SAMMSON: variants seen among roughly 807,000 people sequenced by gnomAD.
SAMMSON encodes the protein long intergenic non-protein coding RNA 1212.
At chr3:70,080,636 T>C (rs530820232) in intron 4 of SAMMSON, among the ~76,000 whole-genome samples, 2 of 152,104 alleles carry the variant, frequency 1.3e-5, no homozygotes, top group South Asian at 4.2e-4. Flanking sequence ...TCTTACTGGC[T>C]ACAGCATTCT....
chr3:70,001,438 A>G (rs1370291917), intron 1 of SAMMSON, among the ~76,000 whole-genome samples: 1 of 151,364 alleles, frequency 6.6e-6, no homozygotes, highest in Non-Finnish European at 1.5e-5. Flanking sequence ...ATACAATGTT[A>G]AGGTTGTTTC....
chr3:70,234,767 C>G (rs1239894316), intron 4 of SAMMSON, among the ~76,000 whole-genome samples: 2 of 152,284 alleles, frequency 1.3e-5, no homozygotes, highest in African/African-American at 4.8e-5. Flanking sequence ...TCTATTTCGT[C>G]CCTCACTTCT....
At chr3:70,000,128 A>T (rs1476537645) in intron 1 of SAMMSON, among the ~76,000 whole-genome samples, 2 of 152,184 alleles carry the variant, frequency 1.3e-5, no homozygotes, top group African/African-American at 4.8e-5. Context: ...ATAGACGGCA[A>T]ACTAAGAGAG....
intron 4 of SAMMSON, among the ~76,000 whole-genome samples, chr3:70,092,606 T>G (rs2067308760): frequency 6.6e-6 from 1 of 152,144 alleles, no homozygotes; most frequent in Admixed American, 6.6e-5. Flanking sequence ...AAGAAGAACC[T>G]TTCTTCTTTG....
At chr3:70,226,220 T>C (rs1701506030) in intron 4 of SAMMSON, among the ~76,000 whole-genome samples, 1 of 152,200 alleles carries the variant, frequency 6.6e-6, no homozygotes, top group Non-Finnish European at 1.5e-5. Context: ...GGCAATATAC[T>C]AGCTGCTGGT....
chr3:70,127,549 A>C (rs917369840), intron 4 of SAMMSON: 3 of 152,212 alleles, frequency 2.0e-5, no homozygotes, highest in African/African-American at 7.2e-5. Context: ...ATTTATTTTT[A>C]TTAACAAATA....
intron 4 of SAMMSON, among the ~76,000 whole-genome samples, chr3:70,088,320 G>C (rs1046791653): frequency 1.3e-5 from 2 of 152,190 alleles, no homozygotes; most frequent in African/African-American, 4.8e-5. Flanking sequence ...CCATGGAGCA[G>C]GGACTAGGTT....
In SAMMSON at chr3:70,142,150, T is replaced by C. The variant is rs536310032; in HGVS notation, n.507+70585T>C. Among the ~76,000 whole-genome samples, 6 of 152,122 alleles carry C rather than the reference T, an allele frequency of 3.9e-5. No individual in the cohort carries two copies. In the East Asian group the frequency reaches 1.2e-3, roughly 29 times the overall value. On this transcript the variant is annotated intron_variant and non_coding_transcript_variant, in intron 4 of 9. Coordinates refer to ENST00000642114, the Ensembl canonical transcript of SAMMSON. ...GTTCCCTAAAATCTAAAAGTAGAAC[T>C]ACCATTTGATTCAGCTATCCCACTG...
intron 3 of SAMMSON, among the ~76,000 whole-genome samples, chr3:70,024,296 G>T (rs1410503883): frequency 1.3e-5 from 2 of 152,058 alleles, no homozygotes; most frequent in African/African-American, 2.4e-5. Flanking sequence ...TATTTTTCAT[G>T]ATTTATCTTC....
chr3:70,122,612 C>T (rs1409750623), intron 4 of SAMMSON, among the ~76,000 whole-genome samples: 3 of 142,484 alleles, frequency 2.1e-5, no homozygotes, highest in African/African-American at 8.1e-5. Context: ...CATTAACTGT[C>T]AATAAGAAAA....
chr3:70,024,027 A>C (rs2067027121), intron 3 of SAMMSON, among the ~76,000 whole-genome samples: 1 of 150,882 alleles, frequency 6.6e-6, no homozygotes. Context: ...AATCATGGTT[A>C]CCCAAACTGG....
At chr3:70,175,239 A>G (rs577352738) in intron 4 of SAMMSON, among the ~76,000 whole-genome samples, 12 of 152,066 alleles carry the variant, frequency 7.9e-5, no homozygotes, top group Non-Finnish European at 1.3e-4. Flanking sequence ...AGCAATCAAG[A>G]CACCTTACTT....
At chr3:70,162,963 C>T (rs1460594597) in intron 4 of SAMMSON, among the ~76,000 whole-genome samples, 1 of 151,738 alleles carries the variant, frequency 6.6e-6, no homozygotes, top group African/African-American at 2.4e-5. Flanking sequence ...AGTTACCCAA[C>T]TTGTTTTTTG....
chr3:70,295,129 T>G (rs997109959), intron 7 of SAMMSON, among the ~76,000 whole-genome samples: 1 of 152,122 alleles, frequency 6.6e-6, no homozygotes, highest in African/African-American at 2.4e-5. Flanking sequence ...TCTTCCAACT[T>G]CTGAGATGGG....
chr3:70,095,242 G>T lies in SAMMSON; in HGVS notation n.507+23677G>T, dbSNP rs531182884. 1.8e-3 allele frequency among the ~76,000 whole-genome samples: 279 copies of T among 152,228 alleles called. 1 individual carries two copies. The highest frequency in any genetic ancestry group is 6.3e-3 in the African/African-American group (263 of 41,536). ...AACCACAGGAGGACATATGTTAAGA[G>T]GTTATCTTTAGTTCCCTTAGGGAAC... On this transcript the variant is annotated intron_variant and non_coding_transcript_variant, in intron 4 of 9. Transcript: ENST00000642114.
At chr3:70,167,665 T>C (rs1408291761) in intron 4 of SAMMSON, among the ~76,000 whole-genome samples, 2 of 151,878 alleles carry the variant, frequency 1.3e-5, no homozygotes, top group South Asian at 2.1e-4. Flanking sequence ...GTCAACTAGA[T>C]GCATCAGCTT....
At chr3:70,391,993 A>C (rs1041132126), downstream of SAMMSON, among the ~76,000 whole-genome samples, 1 of 152,264 alleles carries the variant, frequency 6.6e-6, no homozygotes, top group East Asian at 1.9e-4. Context: ...ATCTGTTTTT[A>C]TGGTGAGACA....
At chr3:70,275,216 A>T (rs1446294106) in intron 6 of SAMMSON, among the ~76,000 whole-genome samples, 1 of 152,218 alleles carries the variant, frequency 6.6e-6, no homozygotes, top group African/African-American at 2.4e-5. Context: ...AATAGCATTC[A>T]TGATGATTAA....
intron 7 of SAMMSON, among the ~76,000 whole-genome samples, chr3:70,327,303 A>G (rs1036529315): frequency 6.6e-6 from 1 of 152,220 alleles, no homozygotes; most frequent in African/African-American, 2.4e-5. Flanking sequence ...AAACAAACAT[A>G]TAATCCACAG....
Sources: allele counts gnomAD v4.1 joint callset (sites outside exome capture counted in the v4.1 genomes callset), GRCh38; gene constraint gnomAD v4.1.1; transcripts MANE v1.5; gene names NCBI Gene and HGNC (gene_info 2026-07-23, HGNC 2026-07-21).